The following CPM variants were observed in gnomAD, a reference collection of about 807,000 sequenced individuals.
The protein encoded by CPM is renal carboxypeptidase.
CPM carries 35 observed loss-of-function variants against 46.4 expected under a neutral mutation model. The observed-to-expected ratio is 0.75, with a 90% CI of 0.58 to 1.00. The LOEUF (loss-of-function observed/expected upper bound fraction) is 1.00. Among genes scored for constraint, CPM ranks in the 50% least tolerant of loss-of-function variants. The probability of loss-of-function intolerance (pLI) is 0.00; values close to 1 mark genes in which losing one functional copy is unlikely to be tolerated. For synonymous variants in CPM, 195 were observed against 195.3 expected (o/e 1.00, Z 0.01); for missense variants, 422 against 530.4 (o/e 0.80, Z 2.01).
intron 8 of CPM, 51 bp from the exon 9 acceptor site, chr12:68,856,730 T>A (rs1174659004): frequency 6.3e-7 from 1 of 1,588,264 alleles, no homozygotes; most frequent in African/African-American, 1.3e-5. Flanking sequence ...TGGTTCGTGG[T>A]GCCCACACTG....
chr12:68,870,812 T>TCTGCC (rs1191325375), intron 4 of CPM, among the ~76,000 whole-genome samples: 1 of 152,212 alleles, frequency 6.6e-6, no homozygotes, highest in East Asian at 1.9e-4. Context: ...CCATCCCTGC[T>TCTGCC]CTGCCCTGCC....
At chr12:68,921,619 C>T (rs78096096) in intron 2 of CPM, among the ~76,000 whole-genome samples, 513 of 152,210 alleles carry the variant, frequency 3.4e-3, no homozygotes, top group Non-Finnish European at 5.9e-3. Context: ...CCTGAAAGTC[C>T]GTAACTTCTC....
chr12:68,847,452 C>CTTTCTT (rs1555190285), downstream of CPM: 1 of 88,722 alleles, frequency 1.1e-5, no homozygotes, highest in Non-Finnish European at 2.0e-5. Context: ...TATCTCCTTT[C>CTTTCTT]TTTTTTTTTT....
chr12:68,869,870 A>G (rs1885612231), intron 5 of CPM, among the ~76,000 whole-genome samples: 1 of 122,148 alleles, frequency 8.2e-6, no homozygotes, highest in African/African-American at 3.3e-5. Context: ...TATTGTTCAT[A>G]TATGATTAGC....
intron 3 of CPM, among the ~76,000 whole-genome samples, chr12:68,873,827 A>G (rs1325103544): frequency 6.6e-6 from 1 of 150,456 alleles, no homozygotes; most frequent in Non-Finnish European, 1.5e-5. Flanking sequence ...TTTTTTTGAG[A>G]CAGAGTCTCA....
At chr12:68,901,494 T>G (rs1887110917) in intron 2 of CPM, among the ~76,000 whole-genome samples, 1 of 152,186 alleles carries the variant, frequency 6.6e-6, no homozygotes, top group Non-Finnish European at 1.5e-5. Context: ...CTCCAAAACC[T>G]GGTCAAGCAC....
chr12:68,959,773 A>T (rs1201075429), intron 1 of CPM, among the ~76,000 whole-genome samples: 1 of 152,246 alleles, frequency 6.6e-6, no homozygotes. Flanking sequence ...TCTGGCCCTC[A>T]GAACCTTCTG....
rs1884809691 is a variant in CPM at position 68,853,297 on chromosome 12, T to TA, written c.*3139dup. Reference sequence around the variant, plus strand: ...TTTCATCTTATATACTTTTAATTTGTAATATACCAAAGTCATTTTTGCAAT... The same window carrying TA: ...TTTCATCTTATATACTTTTAATTTGTAAATATACCAAAGTCATTTTTGCAAT... On this transcript the variant is annotated 3_prime_UTR_variant, in exon 9 of 9. Transcript: ENST00000551568. 6.6e-6 allele frequency: 1 copy of TA among 152,210 alleles called. No homozygotes were observed. The highest frequency in any genetic ancestry group is 6.5e-5 in the Admixed American group (1 of 15,282). 9.4% of individuals were successfully genotyped at this position (152,210 alleles called of 1,614,324 possible). A position where few individuals can be genotyped will look rare whatever the true frequency, so the allele number is the denominator to read the frequency against.
At chr12:68,884,020 G>T (rs980253834) in intron 3 of CPM, among the ~76,000 whole-genome samples, 3 of 144,682 alleles carry the variant, frequency 2.1e-5, no homozygotes, top group Non-Finnish European at 3.0e-5. Context: ...GGAGGCAGGA[G>T]AATTGCTTGA....
At chr12:68,962,418 C>T (rs1427814697) in intron 1 of CPM, among the ~76,000 whole-genome samples, 2 of 152,148 alleles carry the variant, frequency 1.3e-5, no homozygotes, top group African/African-American at 4.8e-5. Flanking sequence ...TCCTGTCTCT[C>T]AGTCCCACTC....
chr12:68,882,249 T>C (rs918519091), intron 3 of CPM, among the ~76,000 whole-genome samples: 2 of 151,994 alleles, frequency 1.3e-5, no homozygotes, highest in Non-Finnish European at 2.9e-5. Context: ...CCACCCTCCA[T>C]CCTCAAGTAG....
chr12:68,959,677 G>A (rs1258897112), intron 1 of CPM, among the ~76,000 whole-genome samples: 1 of 152,248 alleles, frequency 6.6e-6, no homozygotes, highest in East Asian at 1.9e-4. Flanking sequence ...ATTGGAGAGA[G>A]GGTGAAGAGA....
chr12:68,920,803 G>A lies in CPM; in HGVS notation c.160+11875C>T, dbSNP rs186620334. Reference sequence around the variant, plus strand: ...CCTCCTGGGTTCAAGTGATTCTCCCGCCTCAGACTCCAGAGTAGCTGGGAT... The same window carrying A: ...CCTCCTGGGTTCAAGTGATTCTCCCACCTCAGACTCCAGAGTAGCTGGGAT... On this transcript the variant is annotated intron_variant, in intron 2 of 8. Coordinates refer to ENST00000551568, the MANE Select transcript of CPM (RefSeq NM_198320.5). 1.4e-3 allele frequency among the ~76,000 whole-genome samples: 207 copies of A among 148,910 alleles called. 1 individual carries two copies. The highest frequency in any genetic ancestry group is 4.2e-3 in the African/African-American group (167 of 40,160).
intron 6 of CPM, among the ~76,000 whole-genome samples, 179 bp from the exon 7 acceptor site, chr12:68,867,227 C>T (rs950124234): frequency 1.3e-5 from 2 of 152,180 alleles, no homozygotes; most frequent in African/African-American, 4.8e-5. Flanking sequence ...CTAGACAATC[C>T]TAAATATTCC....
chr12:68,961,955 C>G (rs1352903016), intron 1 of CPM, among the ~76,000 whole-genome samples: 1 of 152,020 alleles, frequency 6.6e-6, no homozygotes, highest in Non-Finnish European at 1.5e-5. Flanking sequence ...AATCCCAGCA[C>G]TTTGGGAGGC....
chr12:68,947,683 T>C (rs1345183986), intron 1 of CPM, among the ~76,000 whole-genome samples: 2 of 151,968 alleles, frequency 1.3e-5, no homozygotes, highest in African/African-American at 4.8e-5. Flanking sequence ...CTTGTTCTGT[T>C]GCCCAGGCTG....
chr12:68,908,236 G>A (rs1331170154), intron 2 of CPM, among the ~76,000 whole-genome samples: 3 of 152,132 alleles, frequency 2.0e-5, no homozygotes. Flanking sequence ...GATTCATTCT[G>A]GCTGGTCTTC....
intron 2 of CPM, chr12:68,912,108 A>G (rs1887620445): frequency 6.6e-6 from 1 of 152,230 alleles, no homozygotes. Context: ...CCTGGGTTCA[A>G]GCAATTCTCC....
chr12:68,856,160 C>G lies in CPM; in HGVS notation c.*277G>C, dbSNP rs1166082122. ...TTTTTTGCTTCTCAAGTTTTAACTT[C>G]TTACACATTTTAAGACTACTTCAAG... is the stretch of plus-strand genomic sequence containing the variant. On this transcript the variant is annotated 3_prime_UTR_variant, in exon 9 of 9. Transcript: ENST00000551568. The G allele has an allele frequency of 1.1e-5, 4 of 373,114 alleles. No individual in the cohort carries two copies. Among genetic ancestry groups the G allele is most frequent in the Non-Finnish European group, 1.9e-5 (4 of 208,162 alleles). The allele number at this position is 373,114 out of a possible 1,614,324, so 23.1% of individuals were successfully genotyped here.
Sources: allele counts gnomAD v4.1 joint callset (sites outside exome capture counted in the v4.1 genomes callset), GRCh38; gene constraint gnomAD v4.1.1; transcripts MANE v1.5; gene names NCBI Gene and HGNC (gene_info 2026-07-23, HGNC 2026-07-21).